Variants in POU2F1 observed in about 807,000 individuals in gnomAD.
POU2F1 encodes the protein POU domain, class 2, transcription factor 1.
A neutral mutation model predicts 84.9 loss-of-function variants in POU2F1; 16 were observed. The observed-to-expected ratio is 0.19, with a 90% CI of 0.13 to 0.29. The LOEUF is 0.29. Ranked by LOEUF, POU2F1 falls within the 10% of genes least tolerant of loss-of-function variation. The pLI, the probability that POU2F1 is intolerant of heterozygous loss-of-function variation, is 1.00. For synonymous variants in POU2F1, 368 were observed against 368.3 expected (o/e 1.00, Z 0.01); for missense variants, 738 against 942.6 (o/e 0.78, Z 2.84).
At chr1:167,364,666 C>T (rs544411408) in intron 2 of POU2F1, among the ~76,000 whole-genome samples, 1 of 150,702 alleles carries the variant, frequency 6.6e-6, no homozygotes, top group South Asian at 2.1e-4. Context: ...CAACCTCCAC[C>T]TCCTGGGCTC....
intron 13 of POU2F1, 60 bp downstream of exon 13, chr1:167,401,616 A>G (rs1027338081): frequency 1.4e-5 from 15 of 1,096,770 alleles, no homozygotes; most frequent in Middle Eastern, 2.2e-4. Flanking sequence ...TTGGGTTATT[A>G]TAAGAGTCTA....
At chr1:167,301,820 G>A (rs561574776) in intron 1 of POU2F1, among the ~76,000 whole-genome samples, 85 of 151,780 alleles carry the variant, frequency 5.6e-4, no homozygotes, top group Admixed American at 1.7e-3. Context: ...TTTTTGTTCT[G>A]TGTGCTTTTT....
intron 2 of POU2F1, among the ~76,000 whole-genome samples, chr1:167,351,537 A>G (rs914418852): frequency 1.4e-5 from 2 of 146,416 alleles, no homozygotes; most frequent in South Asian, 4.2e-4. Flanking sequence ...AAAAAAAAAA[A>G]AAAAAAGAAA....
At chr1:167,374,032 A>G (rs1660169988) in intron 5 of POU2F1, 76 bp from the exon 6 acceptor site, 19 of 1,424,590 alleles carry the variant, frequency 1.3e-5, no homozygotes, top group Non-Finnish European at 1.9e-5. Flanking sequence ...TGAGTTACCT[A>G]TTTTAAAGCA....
chr1:167,352,712 T>C (rs1658661804), intron 2 of POU2F1, among the ~76,000 whole-genome samples: 1 of 152,238 alleles, frequency 6.6e-6, no homozygotes, highest in Non-Finnish European at 1.5e-5. Flanking sequence ...AAATATGAAA[T>C]AAATAGAATC....
At chr1:167,241,456 A>G (rs1227862020) in intron 1 of POU2F1, 3 of 152,212 alleles carry the variant, frequency 2.0e-5, no homozygotes, top group African/African-American at 7.2e-5. Context: ...ACTTCAGCTG[A>G]TGAAGTGATG....
intron 2 of POU2F1, among the ~76,000 whole-genome samples, chr1:167,343,393 A>C (rs541609347): frequency 1.4e-4 from 22 of 152,146 alleles, no homozygotes; most frequent in Non-Finnish European, 2.5e-4. Context: ...TTTTCAGTAC[A>C]GATTATTAGA....
intron 1 of POU2F1, among the ~76,000 whole-genome samples, chr1:167,237,799 T>G (rs1649613487): frequency 7.7e-6 from 1 of 129,722 alleles, no homozygotes; most frequent in African/African-American, 3.0e-5. Context: ...TTTTTTTTTT[T>G]GGCAGAGTGT....
intron 1 of POU2F1, among the ~76,000 whole-genome samples, chr1:167,270,812 A>C (rs1652317153): frequency 6.6e-6 from 1 of 152,182 alleles, no homozygotes; most frequent in Non-Finnish European, 1.5e-5. Flanking sequence ...ATGGAGAGTG[A>C]AATTTCATTC....
intron 1 of POU2F1, among the ~76,000 whole-genome samples, chr1:167,286,600 T>C (rs1653546478): frequency 6.6e-6 from 1 of 152,212 alleles, no homozygotes; most frequent in African/African-American, 2.4e-5. Flanking sequence ...GTTTATGCAT[T>C]ACCTTATATT....
chr1:167,285,782 G>A (rs766308061), intron 1 of POU2F1, among the ~76,000 whole-genome samples: 33 of 152,150 alleles, frequency 2.2e-4, no homozygotes, highest in Non-Finnish European at 4.6e-4. Flanking sequence ...GTAGGTTTTT[G>A]GGAAGCTGCA....
At chr1:167,351,119 G>C (rs934468692) in intron 2 of POU2F1, among the ~76,000 whole-genome samples, 3 of 152,164 alleles carry the variant, frequency 2.0e-5, no homozygotes, top group African/African-American at 7.2e-5. Context: ...TTGGGAGGCT[G>C]AGGTGGGTGG....
In POU2F1 at chr1:167,425,212, G is replaced by A. The variant is rs906376843; in HGVS notation, c.*9402G>A. On this transcript the variant is annotated 3_prime_UTR_variant, in exon 16 of 16. Coordinates refer to ENST00000367866, the MANE Select transcript of POU2F1 (RefSeq NM_002697.4). ...CATGATACTGCTGCTATAAGCCAGG[G>A]GAGGGTGGTTTCTTTGTTTTGTTTT... The A allele has an allele frequency of 2.0e-5, 3 of 152,036 alleles. No homozygotes were observed. Among genetic ancestry groups the A allele is most frequent in the Non-Finnish European group, 4.4e-5 (3 of 68,036 alleles). 9.4% of individuals were successfully genotyped at this position (152,036 alleles called of 1,614,324 possible).
chr1:167,298,175 A>T (rs1162455858), intron 1 of POU2F1, among the ~76,000 whole-genome samples: 3 of 152,012 alleles, frequency 2.0e-5, no homozygotes, highest in African/African-American at 7.2e-5. Flanking sequence ...TAGAGCAAGA[A>T]CGAGGAGCCT....
At chr1:167,390,688 G>A (rs369056295) in intron 9 of POU2F1, among the ~76,000 whole-genome samples, 4 of 151,940 alleles carry the variant, frequency 2.6e-5, no homozygotes, top group African/African-American at 9.7e-5. Flanking sequence ...CTATCAGGAG[G>A]CTGAGGTGGG....
intron 13 of POU2F1, among the ~76,000 whole-genome samples, chr1:167,410,569 G>A (rs958695964): frequency 1.3e-5 from 2 of 151,926 alleles, no homozygotes; most frequent in Non-Finnish European, 2.9e-5. Flanking sequence ...AGACTGGAGT[G>A]TAATGGCGTC....
intron 1 of POU2F1, among the ~76,000 whole-genome samples, chr1:167,308,705 G>A (rs1655255233): frequency 6.6e-6 from 1 of 151,980 alleles, no homozygotes; most frequent in South Asian, 2.1e-4. Flanking sequence ...TTTTTGTAGA[G>A]ACAGGATCTC....
intron 1 of POU2F1, among the ~76,000 whole-genome samples, chr1:167,330,458 G>C (rs1657006952): frequency 6.6e-6 from 1 of 151,980 alleles, no homozygotes; most frequent in Non-Finnish European, 1.5e-5. Context: ...TTTACTCTTT[G>C]ACATTTACTT....
intron 2 of POU2F1, among the ~76,000 whole-genome samples, chr1:167,356,582 A>G (rs1658950882): frequency 6.6e-6 from 1 of 152,104 alleles, no homozygotes; most frequent in South Asian, 2.1e-4. Context: ...ACTGGCGGCA[A>G]ATATATACGG....
Sources: gnomAD v4.1 joint callset for allele counts (sites outside exome capture counted in the v4.1 genomes callset) on GRCh38, gnomAD v4.1.1 for gene constraint, MANE v1.5 for transcripts, NCBI Gene and HGNC (gene_info 2026-07-23, HGNC 2026-07-21) for gene names.